DNAAF3: variants seen among roughly 807,000 people sequenced by gnomAD.
DNAAF3 encodes the protein dynein axonemal assembly factor 3.
DNAAF3 carries 40 observed loss-of-function variants against 50.9 expected under a neutral mutation model. The ratio of observed to expected loss-of-function variants is 0.79; its 90% confidence interval spans 0.61 to 1.02. The LOEUF is 1.02. DNAAF3 is among the 50% of genes least tolerant of loss of function. The pLI, the probability that DNAAF3 is intolerant of heterozygous loss-of-function variation, is 0.00. For missense variants in DNAAF3, 763 were observed against 744.7 expected, an observed-to-expected ratio of 1.02 and a Z score of -0.29; for synonymous variants, 327 against 322.8, an observed-to-expected ratio of 1.01 and a Z score of -0.14.
rs2085934581 is a variant in DNAAF3, at chr19:55,166,127, G to A, written c.86-127C>T. The A allele has an allele frequency of 6.4e-7, 1 of 1,568,290 alleles. No homozygotes were observed. The highest frequency in any genetic ancestry group is 1.2e-5 in the South Asian group (1 of 86,244). ...CCCGTGGCCTAGGTTCTAAGGGGAG[G>A]TGTTTCCTCTGAGTATTCTGGGATT... is the stretch of plus-strand genomic sequence containing the variant. On this transcript the variant is annotated intron_variant, in intron 2 of 11. Transcript: ENST00000524407. The surrounding 1 kb of genome is among the most constrained non-coding windows in gnomAD (Gnocchi z 4.0).
Position 55,165,944 on chromosome 19 carries a change from C to G in DNAAF3, c.142G>C (p.Asp48His), listed in dbSNP as rs1473772067. The G allele has an allele frequency of 1.2e-6, 2 of 1,614,128 alleles. No individual in the cohort carries two copies. The highest frequency in any genetic ancestry group is 1.7e-5 in the Admixed American group (1 of 60,004). ...ADTVHSNPELDVLLLGSVDGR... is the reference protein window; with the variant it reads ...ADTVHSNPELHVLLLGSVDGR... ...TCCACAGAGCCCAGAAGCAGCACAT[C>G]TAGCTCGGGGTTGCTGTGCACTGTA... The change falls in exon 3 of 12, where the codon GAT becomes CAT. Residue 48 changes from aspartate to histidine, a missense_variant. By Grantham distance (81) the Asp-to-His change is moderately conservative. Coordinates refer to ENST00000524407, the MANE Select transcript of DNAAF3 (RefSeq NM_001256715.2).
In DNAAF3 at chr19:55,160,753, T is replaced by A; in HGVS notation, c.935A>T (p.His312Leu). 6.2e-7 allele frequency: 1 copy of A among 1,611,660 alleles called. No individual in the cohort carries two copies. Among genetic ancestry groups the A allele is most frequent in the Non-Finnish European group, 8.5e-7 (1 of 1,179,660 alleles). The change falls in exon 9 of 12, where the codon CAC becomes CTC. Residue 312 changes from histidine (H) to leucine (L), a missense_variant. Transcript: ENST00000524407. This position sits in a 1 kb window ranked among gnomAD's most constrained non-coding sequence, Gnocchi z 4.7. ...GTCGCGGAGCAGCTCCGTCACGTTG[T>A]GTTGAGTGATCTCCCCGGCCGTCTA... Reference protein sequence around the residue: ...PVKTAGEITQHNVTELLRDVA... With the variant: ...PVKTAGEITQLNVTELLRDVA...
At chr19:55,163,855 TC>T (rs903661926) in intron 4 of DNAAF3, among the ~76,000 whole-genome samples, 2 of 152,176 alleles carry the variant, frequency 1.3e-5, no homozygotes, top group African/African-American at 4.8e-5. Context: ...TACTCTGAAT[TC>T]CCTGGGTCAT....
Position 55,161,027 on chromosome 19 carries a change from G to A in DNAAF3, c.912+38C>T, listed in dbSNP as rs2085818162. 2 of 1,505,218 alleles carry A rather than the reference G, an allele frequency of 1.3e-6. No homozygotes were observed. The highest frequency in any genetic ancestry group is 2.5e-5 in the South Asian group (2 of 81,048). The allele number at this position is 1,505,218 out of a possible 1,614,324, so 93.2% of individuals were successfully genotyped here. ...GGCCTTGCGCACCCACCGACCCCCA[G>A]CCCCACCTCTACCCCCAGTCCCAGC... is the stretch of plus-strand genomic sequence containing the variant. On this transcript the variant is annotated intron_variant, in intron 8 of 11. Coordinates refer to ENST00000524407, the MANE Select transcript of DNAAF3 (RefSeq NM_001256715.2). This position sits in a 1 kb window ranked among gnomAD's most constrained non-coding sequence, Gnocchi z 6.4.
At position 55,161,588 on chromosome 19, in the gene DNAAF3, C is replaced by T; in HGVS notation, c.663+55G>A. 1 of 1,492,450 alleles carries T rather than the reference C, an allele frequency of 6.7e-7. No individual in the cohort carries two copies. The highest frequency in any genetic ancestry group is 8.9e-7 in the Non-Finnish European group (1 of 1,122,258). The allele number at this position is 1,492,450 out of a possible 1,614,324, so 92.5% of individuals were successfully genotyped here. A position where few individuals can be genotyped will look rare whatever the true frequency, so the allele number is the denominator to read the frequency against. ...CTCAGACTCAGGAGGCCCCCAGCCC[C>T]TCCTCCCTCAGACCCAGGGGTCCAG... On this transcript the variant is annotated intron_variant, in intron 6 of 11. Transcript: ENST00000524407. The surrounding 1 kb of genome is among the most constrained non-coding windows in gnomAD (Gnocchi z 6.4).
At position 55,161,844 on chromosome 19, in the gene DNAAF3, G is replaced by A. The variant is rs759665117; in HGVS notation, c.481-19C>T. On this transcript the variant is annotated intron_variant, in intron 5 of 11. Transcript: ENST00000524407. The surrounding 1 kb of genome is among the most constrained non-coding windows in gnomAD (Gnocchi z 6.4). ...CGCGGAACTGCGGGGCCAGGCACGCGGTGGGACAGAGGAAGGCAGAGAGGG... is the reference window on the plus strand; with the variant it reads ...CGCGGAACTGCGGGGCCAGGCACGCAGTGGGACAGAGGAAGGCAGAGAGGG... 1 of 1,429,798 alleles carries A rather than the reference G, an allele frequency of 7.0e-7. No individual in the cohort carries two copies. The highest frequency in any genetic ancestry group is 1.5e-5 in the African/African-American group (1 of 68,160). 88.6% of individuals were successfully genotyped at this position (1,429,798 alleles called of 1,614,324 possible).
At chr19:55,165,496 G>A in intron 3 of DNAAF3, 33 bp from the exon 4 acceptor site, 1 of 1,610,604 alleles carries the variant, frequency 6.2e-7, no homozygotes, top group Non-Finnish European at 8.5e-7. Flanking sequence ...ATAATTCTGA[G>A]ACCTGTTTGC....
In DNAAF3 at chr19:55,166,442, C is replaced by T. The variant is rs769185555; in HGVS notation, c.-4-25G>A. The T allele has an allele frequency of 6.2e-7, 1 of 1,613,714 alleles. No individual in the cohort carries two copies. Among genetic ancestry groups the T allele is most frequent in the Admixed American group, 1.7e-5 (1 of 59,986 alleles). On this transcript the variant is annotated intron_variant, in intron 1 of 11. Transcript: ENST00000524407. This position sits in a 1 kb window ranked among gnomAD's most constrained non-coding sequence, Gnocchi z 4.0. ...CCTGCGGAAAAGACATTCTGGGAAT[C>T]GCACACATTGCCCGCCCCGCTCCCC... is the stretch of plus-strand genomic sequence containing the variant.
intron 4 of DNAAF3, among the ~76,000 whole-genome samples, chr19:55,165,090 C>T (rs1172390700): frequency 3.2e-5 from 4 of 126,454 alleles, no homozygotes; most frequent in Admixed American, 2.0e-4. Context: ...AGTGCAGTGG[C>T]GCGATCTCAG....
At chr19:55,165,826 G>A in intron 3 of DNAAF3, 32 bp downstream of exon 3, 1 of 1,608,260 alleles carries the variant, frequency 6.2e-7, no homozygotes, top group Non-Finnish European at 8.5e-7. Flanking sequence ...AAGGACTCGG[G>A]AATCTGGGCT....
rs1384651581 is a variant in DNAAF3, at chr19:55,165,911, GC to G, written c.174del (p.His59ThrfsTer34). 1.9e-6 allele frequency: 3 copies of G among 1,614,232 alleles called. No homozygotes were observed. Among genetic ancestry groups the G allele is most frequent in the Non-Finnish European group, 2.5e-6 (3 of 1,180,040 alleles). ...DVLLLGSVDG[R>X]HLLRTLSRAK... ...GCTCGGGACAGGGTCCGCAGCAGGT[GC>G]CGTCCATCCACAGAGCCCAGAAGCA... On this transcript the variant is annotated frameshift_variant, in exon 3 of 12. Coordinates refer to ENST00000524407, the MANE Select transcript of DNAAF3 (RefSeq NM_001256715.2). LOFTEE classifies it high-confidence loss of function.
In DNAAF3 at chr19:55,161,266, G is replaced by T. The variant is rs374444137; in HGVS notation, c.789+27C>A. 2 of 1,601,456 alleles carry T rather than the reference G, an allele frequency of 1.2e-6. No homozygotes were observed. The highest frequency in any genetic ancestry group is 1.7e-6 in the Non-Finnish European group (2 of 1,171,688). On this transcript the variant is annotated intron_variant, in intron 7 of 11. Transcript: ENST00000524407. This position sits in a 1 kb window ranked among gnomAD's most constrained non-coding sequence, Gnocchi z 6.4. ...TCCTAGGACTCCGAGCAGCAGCAGT[G>T]GGCCAGGACAGGCAGTGGACACGCA...
In DNAAF3 at chr19:55,159,155, A is replaced by G. The variant is rs776556733; in HGVS notation, c.1533T>C (p.Ser511=). ...TPHCEPCQLP[S]ESPGSLSEVL... ...CCTCTGAGAGTGAACCTGGAGACTCAGAGGGCAGCTGGCAGGGCTCACAGT... is the reference window on the plus strand; with the variant it reads ...CCTCTGAGAGTGAACCTGGAGACTCGGAGGGCAGCTGGCAGGGCTCACAGT... Residue 511 remains serine (S), a synonymous_variant, in exon 12 of 12, where the codon TCT becomes TCC. Transcript: ENST00000524407. 1.2e-6 allele frequency: 2 copies of G among 1,613,766 alleles called. No homozygotes were observed. Among genetic ancestry groups the G allele is most frequent in the Non-Finnish European group, 1.7e-6 (2 of 1,179,998 alleles).
At chr19:55,163,864 C>T (rs1206571285) in intron 4 of DNAAF3, among the ~76,000 whole-genome samples, 4 of 152,144 alleles carry the variant, frequency 2.6e-5, no homozygotes, top group African/African-American at 7.2e-5. Context: ...TTCCCTGGGT[C>T]ATTAATGACT....
In DNAAF3 at chr19:55,162,226, G is replaced by C. The variant is rs528126745; in HGVS notation, c.387C>G (p.Phe129Leu). 6.4e-6 allele frequency: 8 copies of C among 1,252,530 alleles called. No individual in the cohort carries two copies. The South Asian group carries it at 3.2e-4, about 50-fold the overall frequency. 77.6% of individuals were successfully genotyped at this position (1,252,530 alleles called of 1,614,324 possible). A position where few individuals can be genotyped will look rare whatever the true frequency, so the allele number is the denominator to read the frequency against. Residue 129 changes from phenylalanine to leucine, a missense_variant, in exon 5 of 12, where the codon TTC becomes TTG. By Grantham distance (22) the Phe-to-Leu change is conservative. Coordinates refer to ENST00000524407, the MANE Select transcript of DNAAF3 (RefSeq NM_001256715.2). ...CCAGCAGGTCGGCCTGGGCACGCAC[G>C]AAGGCGGCCACTGGCGGGCGCAGCA... ...NALLRPPVAA[F>L]VRAQADLLAH...
rs375170399 is a variant in DNAAF3 at position 55,166,386 on chromosome 19, C to T, written c.28G>A (p.Gly10Ser). 6 of 1,613,790 alleles carry T rather than the reference C, an allele frequency of 3.7e-6. No homozygotes were observed. In the African/African-American group the frequency reaches 5.3e-5, roughly 14 times the overall value. Residue 10 changes from glycine (G) to serine (S), a missense_variant, in exon 2 of 12, where the codon GGC becomes AGC. By Grantham distance (56) the Gly-to-Ser change is moderately conservative. Coordinates refer to ENST00000524407, the MANE Select transcript of DNAAF3 (RefSeq NM_001256715.2). This position sits in a 1 kb window ranked among gnomAD's most constrained non-coding sequence, Gnocchi z 4.0. MTTPAGSGS[G>S]FGSVSWWGLS... ...CCCCACCAGGACACGGAGCCGAAGC[C>T]GCTGCCGGAGCCGGCAGGTGTGGTC...
chr19:55,162,891 ACCACCT>A (rs2085863213), intron 4 of DNAAF3: 1 of 164,712 alleles, frequency 6.1e-6, no homozygotes, highest in Non-Finnish European at 1.2e-5. Context: ...TGTTACCTCG[ACCACCT>A]GAGCTTAAGG....
chr19:55,162,212 G>A lies in DNAAF3; in HGVS notation c.401C>T (p.Ala134Val). 1 of 1,253,254 alleles carries A rather than the reference G, an allele frequency of 8.0e-7. No homozygotes were observed. 77.6% of individuals were successfully genotyped at this position (1,253,254 alleles called of 1,614,324 possible). A position where few individuals can be genotyped will look rare whatever the true frequency, so the allele number is the denominator to read the frequency against. The part of the protein sequence containing the change: ...PPVAAFVRAQ[A>V]DLLAHLVPEP... Reference sequence around the variant, plus strand: ...GGGGACCAGGTGCGCCAGCAGGTCGGCCTGGGCACGCACGAAGGCGGCCAC... The same window carrying A: ...GGGGACCAGGTGCGCCAGCAGGTCGACCTGGGCACGCACGAAGGCGGCCAC... Residue 134 changes from alanine to valine, a missense_variant, in exon 5 of 12, where the codon GCC becomes GTC. Transcript: ENST00000524407.
chr19:55,166,074 T>G lies in DNAAF3; in HGVS notation c.86-74A>C. ...CCACCGTAGCATCCCCTATAAAAAA[T>G]GGACTACAAATCCCAGTAGGCGTTC... On this transcript the variant is annotated intron_variant, in intron 2 of 11. Transcript: ENST00000524407. This position sits in a 1 kb window ranked among gnomAD's most constrained non-coding sequence, Gnocchi z 4.0. 1 of 1,611,778 alleles carries G rather than the reference T, an allele frequency of 6.2e-7. No individual in the cohort carries two copies. The highest frequency in any genetic ancestry group is 8.5e-7 in the Non-Finnish European group (1 of 1,179,072).
Sources: gnomAD v4.1 joint callset for allele counts (sites outside exome capture counted in the v4.1 genomes callset) on GRCh38, gnomAD v4.1.1 for gene constraint, Gnocchi (gnomAD v3.1) non-coding constraint, MANE v1.5 for transcripts, NCBI Gene and HGNC (gene_info 2026-07-23, HGNC 2026-07-21) for gene names.